CNTLN: variants seen among roughly 807,000 people sequenced by gnomAD.
The protein encoded by CNTLN is centlein.
In CNTLN, 212 loss-of-function variants were observed where a neutral mutation model predicts 180.0. That is an observed-to-expected ratio of 1.18 (90% confidence interval 1.05 to 1.32). The LOEUF (loss-of-function observed/expected upper bound fraction) is 1.32, where lower values mean the gene tolerates loss of function less well. CNTLN is among the 40% of genes most tolerant of loss of function. CNTLN has a pLI of 0.00. For synonymous variants in CNTLN, 722 were observed against 563.1 expected (o/e 1.28, Z -3.99); for missense variants, 2,095 against 1,610.9 (o/e 1.30, Z -5.14).
chr9:17,220,086 ACT>A (rs1454200788), intron 2 of CNTLN, among the ~76,000 whole-genome samples: 1 of 151,906 alleles, frequency 6.6e-6, no homozygotes, highest in Non-Finnish European at 1.5e-5. Context: ...CTGGGCCCCC[ACT>A]CTTACAGTTC....
At chr9:17,279,056 C>T (rs952257495) in intron 6 of CNTLN, among the ~76,000 whole-genome samples, 1 of 90,740 alleles carries the variant, frequency 1.1e-5, no homozygotes. Context: ...AAACTAAGAA[C>T]AAACTGATAC....
intron 18 of CNTLN, among the ~76,000 whole-genome samples, chr9:17,452,423 T>G (rs1830839583): frequency 6.6e-6 from 1 of 152,190 alleles, no homozygotes; most frequent in Non-Finnish European, 1.5e-5. Flanking sequence ...ATGCTGTACT[T>G]AGCTTCTAGA....
At chr9:17,483,675 C>T (rs1832759058) in intron 23 of CNTLN, among the ~76,000 whole-genome samples, 1 of 152,178 alleles carries the variant, frequency 6.6e-6, no homozygotes, top group Non-Finnish European at 1.5e-5. Flanking sequence ...ACTGATTTCT[C>T]AAAGAGGCAA....
In CNTLN at chr9:17,356,479, A is replaced by G. The variant is rs1295925732; in HGVS notation, c.1887-10138A>G. ...TGAATGCTTCAGAGTCTGATGCAACATGACTTATAGATAGGCTTTGAGCAG... is the reference window on the plus strand; with the variant it reads ...TGAATGCTTCAGAGTCTGATGCAACGTGACTTATAGATAGGCTTTGAGCAG... On this transcript the variant is annotated intron_variant, in intron 12 of 25. Transcript: ENST00000380647. Among the ~76,000 whole-genome samples the G allele has an allele frequency of 2.0e-5, 3 of 152,210 alleles. No homozygotes were observed. In the East Asian group the frequency reaches 5.8e-4, roughly 29 times the overall value.
At chr9:17,215,221 A>T (rs1434367453) in intron 2 of CNTLN, among the ~76,000 whole-genome samples, 2 of 152,074 alleles carry the variant, frequency 1.3e-5, no homozygotes, top group Non-Finnish European at 2.9e-5. Flanking sequence ...TGACGTACAG[A>T]TGGGGTTTTG....
chr9:17,267,409 C>T (rs866162606), intron 5 of CNTLN, among the ~76,000 whole-genome samples: 6 of 152,310 alleles, frequency 3.9e-5, no homozygotes, highest in Non-Finnish European at 8.8e-5. Context: ...GAGAGCTCCG[C>T]TGTTCGTCTG....
At chr9:17,349,079 C>G (rs1231621436) in intron 12 of CNTLN, among the ~76,000 whole-genome samples, 1 of 152,128 alleles carries the variant, frequency 6.6e-6, no homozygotes. Flanking sequence ...GAAGAAAACT[C>G]AAGGAACTCA....
intron 12 of CNTLN, among the ~76,000 whole-genome samples, chr9:17,345,556 T>C (rs1821813910): frequency 2.6e-5 from 4 of 151,850 alleles, no homozygotes; most frequent in Admixed American, 6.6e-5. Flanking sequence ...TAGTATTTGC[T>C]CTTGGTATTA....
intron 23 of CNTLN, among the ~76,000 whole-genome samples, chr9:17,471,039 T>A (rs1832021537): frequency 6.6e-6 from 1 of 152,076 alleles, no homozygotes; most frequent in East Asian, 1.9e-4. Context: ...CCTGTCATTA[T>A]ACTGAAAAAG....
chr9:17,370,758 TATA>T (rs1824249694), intron 13 of CNTLN, among the ~76,000 whole-genome samples: 1 of 151,962 alleles, frequency 6.6e-6, no homozygotes, highest in Non-Finnish European at 1.5e-5. Context: ...CAAGACATAG[TATA>T]ATAAGATATA....
chr9:17,451,545 G>A (rs1830776466), intron 18 of CNTLN, among the ~76,000 whole-genome samples: 1 of 152,158 alleles, frequency 6.6e-6, no homozygotes, highest in African/African-American at 2.4e-5. Flanking sequence ...AAATGAGAAA[G>A]AAAACTCGGA....
chr9:17,262,123 G>A (rs1322746571), intron 5 of CNTLN, among the ~76,000 whole-genome samples: 1 of 151,578 alleles, frequency 6.6e-6, no homozygotes, highest in Non-Finnish European at 1.5e-5. Flanking sequence ...TTACACTGAT[G>A]GTGGGAGTGC....
chr9:17,521,893 T>C, the CNTLN span, among the ~76,000 whole-genome samples: 2 of 152,328 alleles, frequency 1.3e-5, no homozygotes, highest in African/African-American at 4.8e-5. Context: ...TTTATAGCTA[T>C]AGCATTTCAA....
At chr9:17,234,524 T>C (rs1825016450) in intron 3 of CNTLN, among the ~76,000 whole-genome samples, 1 of 152,174 alleles carries the variant, frequency 6.6e-6, no homozygotes, top group African/African-American at 2.4e-5. Flanking sequence ...TTCATCATAA[T>C]CCTGGATCTT....
chr9:17,144,511 T>C (rs1563816975), intron 2 of CNTLN, among the ~76,000 whole-genome samples: 1 of 152,142 alleles, frequency 6.6e-6, no homozygotes, highest in Non-Finnish European at 1.5e-5. Context: ...TTTGTTATTT[T>C]TTAAAACTTT....
At chr9:17,266,576 C>G (rs553541155) in intron 5 of CNTLN, among the ~76,000 whole-genome samples, 1 of 152,072 alleles carries the variant, frequency 6.6e-6, no homozygotes, top group South Asian at 2.1e-4. Flanking sequence ...GAGCTGAGTT[C>G]AATTCCTGGG....
At chr9:17,498,904 C>T (rs1260157626) in intron 25 of CNTLN, among the ~76,000 whole-genome samples, 2 of 152,108 alleles carry the variant, frequency 1.3e-5, no homozygotes, top group African/African-American at 2.4e-5. Flanking sequence ...AGTAAAAGGG[C>T]AGCTATGCCT....
chr9:17,156,384 A>G (rs1159382880), intron 2 of CNTLN, among the ~76,000 whole-genome samples: 1 of 152,096 alleles, frequency 6.6e-6, no homozygotes, highest in South Asian at 2.1e-4. Flanking sequence ...CCGTTTTCAC[A>G]TTTCTCGGAT....
At chr9:17,307,827 T>C (rs762868151) in intron 7 of CNTLN, among the ~76,000 whole-genome samples, 2 of 152,126 alleles carry the variant, frequency 1.3e-5, no homozygotes, top group African/African-American at 4.8e-5. Flanking sequence ...TTTCTTCCCA[T>C]GAGGCAAGGC....
Sources: allele counts gnomAD v4.1 joint callset (sites outside exome capture counted in the v4.1 genomes callset), GRCh38; gene constraint gnomAD v4.1.1; transcripts MANE v1.5; gene names NCBI Gene and HGNC (gene_info 2026-07-23, HGNC 2026-07-21).